EPC1: variants seen among roughly 807,000 people sequenced by gnomAD.
The protein encoded by EPC1 is enhancer of polycomb 1.
EPC1 carries 12 observed loss-of-function variants against 98.4 expected under a neutral mutation model. That is an observed-to-expected ratio of 0.12 (90% confidence interval 0.08 to 0.20). The LOEUF (loss-of-function observed/expected upper bound fraction) is 0.20, where lower values mean the gene tolerates loss of function less well. Ranked by LOEUF, EPC1 falls within the 10% of genes least tolerant of loss-of-function variation. The pLI is 1.00. For synonymous variants in EPC1, 357 were observed against 363.9 expected, an observed-to-expected ratio of 0.98 and a Z score of 0.21; for missense variants, 729 against 990.5, an observed-to-expected ratio of 0.74 and a Z score of 3.54.
intron 1 of EPC1, among the ~76,000 whole-genome samples, chr10:32,374,043 A>G (rs1171612591): frequency 1.3e-5 from 2 of 152,180 alleles, no homozygotes; most frequent in Non-Finnish European, 2.9e-5. Context: ...ATTCCTTAAT[A>G]AATAGTTCCT....
At chr10:32,365,586 G>C (rs1839575140) in intron 1 of EPC1, among the ~76,000 whole-genome samples, 1 of 152,064 alleles carries the variant, frequency 6.6e-6, no homozygotes, top group African/African-American at 2.4e-5. Flanking sequence ...GCTGAGGCAG[G>C]TGAATCATTT....
In EPC1 at chr10:32,300,197, C is replaced by T. The variant is rs7922401; in HGVS notation, c.313+5575G>A. The stretch of plus-strand genomic sequence containing the variant: ...AAAGTGCTGGGATTACAGGCATGAG[C>T]CACCGTGCCGGGCCACAAAAATGAT... On this transcript the variant is annotated intron_variant, in intron 2 of 13. Transcript: ENST00000319778. Among the ~76,000 whole-genome samples the T allele has an allele frequency of 3.2e-3, 491 of 152,180 alleles. 2 individuals are homozygous for T. The highest frequency in any genetic ancestry group is 0.011 in the African/African-American group (462 of 41,510).
At chr10:32,334,181 T>C (rs1339855604) in intron 1 of EPC1, among the ~76,000 whole-genome samples, 1 of 152,222 alleles carries the variant, frequency 6.6e-6, no homozygotes, top group Admixed American at 6.5e-5. Flanking sequence ...GGGATTCCCT[T>C]GTGCCTACTA....
intron 2 of EPC1, among the ~76,000 whole-genome samples, chr10:32,295,094 T>C (rs1835071087): frequency 6.6e-6 from 1 of 152,208 alleles, no homozygotes. Context: ...AAGAACCCAC[T>C]TCACATACTT....
intron 1 of EPC1, among the ~76,000 whole-genome samples, chr10:32,310,796 C>T (rs891424614): frequency 6.6e-6 from 1 of 151,940 alleles, no homozygotes; most frequent in Admixed American, 6.6e-5. Context: ...ATTGTTTGAA[C>T]CCGGGAGACA....
chr10:32,327,016 AAAT>A (rs775392954), intron 1 of EPC1, among the ~76,000 whole-genome samples: 2,083 of 37,266 alleles, frequency 0.056, 95 homozygotes, highest in East Asian at 0.33. Context: ...AAAAAAAAAA[AAAT>A]CAATGTAAAT....
chr10:32,311,039 G>A (rs576135003), intron 1 of EPC1, among the ~76,000 whole-genome samples: 16 of 152,256 alleles, frequency 1.1e-4, no homozygotes, highest in Admixed American at 2.6e-4. Flanking sequence ...AGCTGGGCAC[G>A]GTGGCTCACG....
intron 1 of EPC1, among the ~76,000 whole-genome samples, chr10:32,311,574 AC>A (rs1313346287): frequency 6.6e-6 from 1 of 151,994 alleles, no homozygotes; most frequent in Non-Finnish European, 1.5e-5. Flanking sequence ...AATAATCATT[AC>A]CTTCTACTAT....
chr10:32,335,490 CTGTT>C (rs5784282), intron 1 of EPC1, among the ~76,000 whole-genome samples: 121,618 of 151,342 alleles, frequency 0.8, 49,793 homozygotes, highest in East Asian at 0.96. Context: ...CAAGCAGAAG[CTGTT>C]TATTTTCCCA....
chr10:32,378,433 C>A, intron 1 of EPC1: 1 of 1,430,082 alleles, frequency 7.0e-7, no homozygotes, highest in South Asian at 1.3e-5. Flanking sequence ...AATGAAAATC[C>A]TTTTTAGCCG....
At chr10:32,364,086 C>A (rs996357097) in intron 1 of EPC1, among the ~76,000 whole-genome samples, 2 of 131,922 alleles carry the variant, frequency 1.5e-5, no homozygotes, top group African/African-American at 5.5e-5. Flanking sequence ...GTGATCTCGG[C>A]TCACTGCAAC....
intron 2 of EPC1, among the ~76,000 whole-genome samples, chr10:32,299,770 TTTC>T (rs1835384330): frequency 6.6e-6 from 1 of 152,282 alleles, no homozygotes; most frequent in Admixed American, 6.5e-5. Flanking sequence ...TGCCCAATTT[TTTC>T]TTCTTCTTTG....
intron 10 of EPC1, among the ~76,000 whole-genome samples, chr10:32,273,616 A>C (rs1013335754): frequency 6.6e-6 from 1 of 152,190 alleles, no homozygotes; most frequent in Non-Finnish European, 1.5e-5. Context: ...TCAGCTTTTA[A>C]AATCCATAGA....
At chr10:32,303,784 G>A (rs1835715337) in intron 2 of EPC1, among the ~76,000 whole-genome samples, 1 of 152,242 alleles carries the variant, frequency 6.6e-6, no homozygotes, top group Admixed American at 6.5e-5. Context: ...ACACACATAT[G>A]TGGTACACAT....
upstream of EPC1, among the ~76,000 whole-genome samples, chr10:32,348,264 C>T (rs763622813): frequency 2.6e-5 from 4 of 151,096 alleles, no homozygotes; most frequent in Non-Finnish European, 5.9e-5. Flanking sequence ...GAGATCTCTT[C>T]GTTGTTGTTG....
Position 32,347,117 on chromosome 10 carries a change from A to G in EPC1, c.-202T>C. ...CGCTCCTCTCTCGCTCGCTCTCTTCAATACGCCATGGCCAACATGGCGGAC... is the reference window on the plus strand; with the variant it reads ...CGCTCCTCTCTCGCTCGCTCTCTTCGATACGCCATGGCCAACATGGCGGAC... On this transcript the variant is annotated 5_prime_UTR_variant, in exon 1 of 14. The change abolishes the stop of an existing upstream ORF in the 5' untranslated region. Coordinates refer to ENST00000319778, the MANE Select transcript of EPC1 (RefSeq NM_001272004.3). The G allele has an allele frequency of 7.0e-7, 1 of 1,435,220 alleles. No individual in the cohort carries two copies. The allele number at this position is 1,435,220 out of a possible 1,614,324, so 88.9% of individuals were successfully genotyped here. A position where few individuals can be genotyped will look rare whatever the true frequency, so the allele number is the denominator to read the frequency against.
At chr10:32,281,323 C>T (rs1836400220) in intron 10 of EPC1, among the ~76,000 whole-genome samples, 1 of 152,148 alleles carries the variant, frequency 6.6e-6, no homozygotes, top group South Asian at 2.1e-4. Flanking sequence ...GGATTACAGG[C>T]ATGACCCACT....
intron 10 of EPC1, among the ~76,000 whole-genome samples, chr10:32,280,026 C>G (rs755525082): frequency 2.6e-5 from 4 of 152,100 alleles, no homozygotes; most frequent in Non-Finnish European, 5.9e-5. Context: ...ATTAGGAAGC[C>G]TGATACCAGA....
intron 13 of EPC1, chr10:32,269,578 C>T (rs1835739988): frequency 6.5e-6 from 1 of 153,948 alleles, no homozygotes; most frequent in Non-Finnish European, 1.4e-5. Context: ...ACAGTCTAGA[C>T]TTTTGAGTGT....
Sources: allele counts gnomAD v4.1 joint callset (sites outside exome capture counted in the v4.1 genomes callset), GRCh38; gene constraint gnomAD v4.1.1; transcripts MANE v1.5; gene names NCBI Gene and HGNC (gene_info 2026-07-23, HGNC 2026-07-21).